L3MBTL4: variants seen among roughly 807,000 people sequenced by gnomAD.
L3MBTL4 encodes the protein L3MBTL histone methyl-lysine binding protein 4, also known as lethal(3)malignant brain tumor-like protein 4.
L3MBTL4 carries 70 observed loss-of-function variants against 84.5 expected under a neutral mutation model. The observed-to-expected ratio is 0.83, with a 90% confidence interval of 0.68 to 1.01. L3MBTL4 has a LOEUF of 1.01. Among genes scored for constraint, L3MBTL4 ranks in the 50% least tolerant of loss-of-function variants. L3MBTL4 has a pLI of 0.00. For synonymous variants in L3MBTL4, 274 were observed against 259.8 expected, an observed-to-expected ratio of 1.05 and a Z score of -0.52; for missense variants, 715 against 754.8, an observed-to-expected ratio of 0.95 and a Z score of 0.62.
At chr18:6,275,084 G>C (rs1057371942) in intron 4 of L3MBTL4, among the ~76,000 whole-genome samples, 1 of 152,138 alleles carries the variant, frequency 6.6e-6, no homozygotes, top group Admixed American at 6.5e-5. Context: ...CATTGCAGGA[G>C]AAAGTTCAAG....
chr18:6,353,311 C>T (rs1413209504), intron 1 of L3MBTL4, among the ~76,000 whole-genome samples: 1 of 151,774 alleles, frequency 6.6e-6, no homozygotes, highest in Non-Finnish European at 1.5e-5. Context: ...ATTTGCTGCT[C>T]ATCACTTATA....
intron 4 of L3MBTL4, among the ~76,000 whole-genome samples, chr18:6,296,913 C>G (rs368277954): frequency 1.3e-5 from 2 of 152,084 alleles, no homozygotes; most frequent in Non-Finnish European, 2.9e-5. Context: ...CTCCAGGACT[C>G]TAGTTTGACT....
chr18:6,255,045 C>T (rs1015206562), intron 5 of L3MBTL4, among the ~76,000 whole-genome samples: 1 of 152,174 alleles, frequency 6.6e-6, no homozygotes, highest in Non-Finnish European at 1.5e-5. Context: ...TGGCCATCAC[C>T]GAACTGATTC....
intron 14 of L3MBTL4, among the ~76,000 whole-genome samples, chr18:6,115,719 A>C (rs1216740845): frequency 6.6e-6 from 1 of 152,224 alleles, no homozygotes; most frequent in Admixed American, 6.5e-5. Flanking sequence ...TAAGCATGGC[A>C]TGAAGTAATC....
At chr18:6,064,598 G>GT (rs143605097) in intron 16 of L3MBTL4, among the ~76,000 whole-genome samples, 119,585 of 140,716 alleles carry the variant, frequency 0.85, 51,236 homozygotes, top group East Asian at 0.99. Flanking sequence ...ATATTCCTAG[G>GT]TTTTTTTTTT....
intron 12 of L3MBTL4, among the ~76,000 whole-genome samples, chr18:6,208,585 T>A (rs917727446): frequency 2.0e-5 from 3 of 152,264 alleles, no homozygotes; most frequent in Admixed American, 2.0e-4. Flanking sequence ...TTTTAAGTCC[T>A]TCCTTTATCT....
chr18:5,983,835 A>G (rs1280863758), intron 16 of L3MBTL4, among the ~76,000 whole-genome samples: 1 of 152,160 alleles, frequency 6.6e-6, no homozygotes, highest in Non-Finnish European at 1.5e-5. Context: ...TGATTTCCTC[A>G]TACTAAACAC....
In L3MBTL4 at chr18:6,340,421, G is replaced by A. The variant is rs111269362; in HGVS notation, c.-90-28365C>T. Among the ~76,000 whole-genome samples, 1,236 of 152,298 alleles carry A rather than the reference G, an allele frequency of 8.1e-3. 7 individuals are homozygous for A. The highest frequency in any genetic ancestry group is 0.017 in the South Asian group (81 of 4,822). ...CAGTGCCAAGAGAAGCCTCCTTGGC[G>A]CAGAATTTCTCCCACAGGGGGAACT... On this transcript the variant is annotated intron_variant, in intron 1 of 18. Coordinates refer to ENST00000317931, the MANE Select transcript of L3MBTL4 (RefSeq NM_001330559.2).
chr18:6,344,027 G>A (rs2052748748), intron 1 of L3MBTL4, among the ~76,000 whole-genome samples: 1 of 147,426 alleles, frequency 6.8e-6, no homozygotes, highest in Non-Finnish European at 1.5e-5. Context: ...GGCCCAAACG[G>A]CAGAAGGAAG....
chr18:6,071,739 AGG>A (rs1253586760), intron 16 of L3MBTL4, among the ~76,000 whole-genome samples: 4,313 of 85,086 alleles, frequency 0.051, 124 homozygotes, highest in African/African-American at 0.091. Context: ...GAAAGAAAGA[AGG>A]AAGGAAAGAA....
intron 4 of L3MBTL4, among the ~76,000 whole-genome samples, chr18:6,271,905 G>A (rs1414703797): frequency 6.6e-6 from 1 of 152,168 alleles, no homozygotes; most frequent in Non-Finnish European, 1.5e-5. Context: ...GGTGTCACCG[G>A]GACCGCAGAG....
At chr18:6,198,397 TAC>T in intron 12 of L3MBTL4, among the ~76,000 whole-genome samples, 1 of 152,226 alleles carries the variant, frequency 6.6e-6, no homozygotes, top group Non-Finnish European at 1.5e-5. Flanking sequence ...ACTCTCAATA[TAC>T]TTCATTTATC....
At chr18:6,174,755 C>A (rs763511372) in intron 12 of L3MBTL4, among the ~76,000 whole-genome samples, 3 of 151,284 alleles carry the variant, frequency 2.0e-5, no homozygotes, top group Non-Finnish European at 4.4e-5. Context: ...GTATTCCCAG[C>A]TACTTGGGAG....
intron 1 of L3MBTL4, among the ~76,000 whole-genome samples, chr18:6,318,597 T>A (rs2051243895): frequency 6.8e-6 from 1 of 146,902 alleles, no homozygotes; most frequent in South Asian, 2.2e-4. Context: ...TAAATTTACA[T>A]GCCCCTAACT....
chr18:6,343,944 A>G (rs1217501367), intron 1 of L3MBTL4, among the ~76,000 whole-genome samples: 1 of 151,656 alleles, frequency 6.6e-6, no homozygotes, highest in Non-Finnish European at 1.5e-5. Flanking sequence ...TCCATTACAA[A>G]ATAAGAATGA....
In L3MBTL4 at chr18:6,095,353, T is replaced by G. The variant is rs545445821; in HGVS notation, c.1200-1825A>C. 3.4e-5 allele frequency among the ~76,000 whole-genome samples: 5 copies of G among 147,378 alleles called. No homozygotes were observed. In the South Asian group the frequency reaches 6.5e-4, roughly 19 times the overall value. On this transcript the variant is annotated intron_variant, in intron 14 of 18. Coordinates refer to ENST00000317931, the MANE Select transcript of L3MBTL4 (RefSeq NM_001330559.2). ...CTGAAGAAGGGGAACATGGTTTTTTTTTTTTTTTTTTTGAGATGGAGTCTC... is the reference window on the plus strand; with the variant it reads ...CTGAAGAAGGGGAACATGGTTTTTTGTTTTTTTTTTTTGAGATGGAGTCTC...
intron 16 of L3MBTL4, among the ~76,000 whole-genome samples, chr18:6,047,882 A>G (rs1217833960): frequency 6.6e-6 from 1 of 152,358 alleles, no homozygotes; most frequent in African/African-American, 2.4e-5. Context: ...CCTATTTAAC[A>G]TAGTACTGGA....
In L3MBTL4 at chr18:6,243,968, G is replaced by A. The variant is rs914063024; in HGVS notation, c.324+516C>T. Among the ~76,000 whole-genome samples, 3 of 152,076 alleles carry A rather than the reference G, an allele frequency of 2.0e-5. No individual in the cohort carries two copies. In the East Asian group the frequency reaches 5.8e-4, roughly 29 times the overall value. ...TAATCAATCAGTAAAGTAAATAAATGTGACTGTTATGTTCAATGCTATCAG... is the reference window on the plus strand; with the variant it reads ...TAATCAATCAGTAAAGTAAATAAATATGACTGTTATGTTCAATGCTATCAG... On this transcript the variant is annotated intron_variant, in intron 6 of 18. Transcript: ENST00000317931.
intron 4 of L3MBTL4, among the ~76,000 whole-genome samples, chr18:6,280,980 G>C (rs1239885148): frequency 6.6e-6 from 1 of 152,030 alleles, no homozygotes; most frequent in African/African-American, 2.4e-5. Flanking sequence ...CTACAGAACT[G>C]TAAGATAATA....
Sources: allele counts gnomAD v4.1 joint callset (sites outside exome capture counted in the v4.1 genomes callset), GRCh38; gene constraint gnomAD v4.1.1; transcripts MANE v1.5; gene names NCBI Gene and HGNC (gene_info 2026-07-23, HGNC 2026-07-21).